Variants in POU6F2 observed in about 807,000 individuals in gnomAD.
POU6F2 encodes the protein POU class 6 homeobox 2, also known as POU domain, class 6, transcription factor 2.
POU6F2 carries 31 observed loss-of-function variants against 71.3 expected under a neutral mutation model. The ratio of observed to expected loss-of-function variants is 0.43; its 90% confidence interval spans 0.33 to 0.59. POU6F2 has a LOEUF of 0.59. Ranked by LOEUF, POU6F2 falls within the 20% of genes least tolerant of loss-of-function variation. The pLI is 0.04. For missense variants in POU6F2, 783 were observed against 856.8 expected (o/e 0.91, Z 1.07); for synonymous variants, 347 against 355.7 (o/e 0.98, Z 0.27).
rs1228955015 is a variant in POU6F2, at chr7:39,468,040, A to T, written c.*3354A>T. 1 of 152,222 alleles carries T rather than the reference A, an allele frequency of 6.6e-6. No homozygotes were observed. The highest frequency in any genetic ancestry group is 1.5e-5 in the Non-Finnish European group (1 of 68,042). The allele number at this position is 152,222 out of a possible 1,614,324, so 9.4% of individuals were successfully genotyped here. ...CAGTTAATGACCAAGCTTAAAAAAA[A>T]ATTGAGATAAAGGAAATTGATTTTC... On this transcript the variant is annotated 3_prime_UTR_variant, in exon 10 of 10. Transcript: ENST00000518318.
intron 9 of POU6F2, among the ~76,000 whole-genome samples, chr7:39,463,526 T>C (rs1243869184): frequency 6.6e-6 from 1 of 152,080 alleles, no homozygotes. Context: ...TAGCAATGGG[T>C]AATGTTTTAC....
At chr7:39,232,538 T>G (rs1394641775) in intron 4 of POU6F2, among the ~76,000 whole-genome samples, 1 of 152,192 alleles carries the variant, frequency 6.6e-6, no homozygotes, top group Admixed American at 6.5e-5. Context: ...TTTTTAAGAA[T>G]GTGTGTAGCT....
intron 4 of POU6F2, among the ~76,000 whole-genome samples, chr7:39,291,399 CACATA>C (rs1438258536): frequency 6.6e-6 from 1 of 152,132 alleles, no homozygotes; most frequent in Non-Finnish European, 1.5e-5. Context: ...TTATTTATGA[CACATA>C]ATTTTAGATG....
intron 5 of POU6F2, among the ~76,000 whole-genome samples, chr7:39,399,024 C>T (rs1787239059): frequency 6.6e-6 from 1 of 152,180 alleles, no homozygotes; most frequent in Non-Finnish European, 1.5e-5. Context: ...AATCGTTTCA[C>T]TGTGCTGCTT....
At chr7:39,353,831 TTAATTA>T (rs1786197640) in intron 5 of POU6F2, among the ~76,000 whole-genome samples, 1 of 152,230 alleles carries the variant, frequency 6.6e-6, no homozygotes. Context: ...GAAATTTATC[TTAATTA>T]GATCTGAAAG....
chr7:39,060,700 C>T lies in POU6F2; in HGVS notation c.106-25160C>T, dbSNP rs116837345. Among the ~76,000 whole-genome samples, 664 of 152,202 alleles carry T rather than the reference C, an allele frequency of 4.4e-3. 6 individuals carry two copies. Among genetic ancestry groups the T allele is most frequent in the African/African-American group, 0.015 (637 of 41,526 alleles). On this transcript the variant is annotated intron_variant, in intron 1 of 9. Coordinates refer to ENST00000518318, the MANE Select transcript of POU6F2 (RefSeq NM_001370959.1). ...AAGTTGTCCCTTTCTGTTGCTGGTT[C>T]AGAAACTCAAAAAACTCTGCACAAA...
rs182383192 is a variant in POU6F2 at position 39,278,593 on chromosome 7, C to T, written c.599-61049C>T. Among the ~76,000 whole-genome samples the T allele has an allele frequency of 1.4e-4, 22 of 152,226 alleles. No individual in the cohort carries two copies. The East Asian group carries it at 4.3e-3, about 29-fold the overall frequency. On this transcript the variant is annotated intron_variant, in intron 4 of 9. Coordinates refer to ENST00000518318, the MANE Select transcript of POU6F2 (RefSeq NM_001370959.1). Reference sequence around the variant, plus strand: ...TGTAAGTAGAATGCAGGCAGGTGGCCCAATCTAGACACCCACCCGTGCTTG... The same window carrying T: ...TGTAAGTAGAATGCAGGCAGGTGGCTCAATCTAGACACCCACCCGTGCTTG...
chr7:39,326,832 G>GA (rs1785512273), intron 4 of POU6F2, among the ~76,000 whole-genome samples: 1 of 152,162 alleles, frequency 6.6e-6, no homozygotes, highest in Admixed American at 6.5e-5. Context: ...AGAGCCTGGG[G>GA]AGAGTTCAGC....
chr7:39,203,187 A>ATAAT (rs1793942106), intron 2 of POU6F2, among the ~76,000 whole-genome samples: 1 of 152,230 alleles, frequency 6.6e-6, no homozygotes, highest in African/African-American at 2.4e-5. Context: ...AAATGAGCCA[A>ATAAT]TAATACCTTC....
At chr7:39,101,708 AAAG>A (rs1791577535) in intron 2 of POU6F2, among the ~76,000 whole-genome samples, 1 of 152,178 alleles carries the variant, frequency 6.6e-6, no homozygotes, top group South Asian at 2.1e-4. Context: ...AAAATTCTCA[AAAG>A]AGTATATTTT....
chr7:39,365,364 C>G (rs901368508), intron 5 of POU6F2, among the ~76,000 whole-genome samples: 1 of 152,180 alleles, frequency 6.6e-6, no homozygotes, highest in Non-Finnish European at 1.5e-5. Flanking sequence ...GGATCCTCAT[C>G]TCTCACCTTA....
chr7:39,403,495 A>T (rs183426278), intron 5 of POU6F2, among the ~76,000 whole-genome samples: 305 of 152,340 alleles, frequency 2.0e-3, no homozygotes, highest in African/African-American at 7.0e-3. Context: ...GGTTAGGTAC[A>T]TTGGCAGTGA....
intron 5 of POU6F2, among the ~76,000 whole-genome samples, chr7:39,392,462 C>G (rs879758675): frequency 6.6e-6 from 1 of 152,144 alleles, no homozygotes; most frequent in Non-Finnish European, 1.5e-5. Context: ...AGAAGCTGAG[C>G]GTTCTTGGAA....
intron 2 of POU6F2, among the ~76,000 whole-genome samples, chr7:39,164,544 C>T (rs965416636): frequency 7.3e-5 from 11 of 151,332 alleles, no homozygotes; most frequent in African/African-American, 2.4e-4. Flanking sequence ...TCTGGGTGTG[C>T]TAAGTCACAA....
intron 1 of POU6F2, among the ~76,000 whole-genome samples, chr7:39,016,283 CTATT>C: frequency 6.7e-6 from 1 of 148,356 alleles, no homozygotes; most frequent in East Asian, 2.0e-4. Context: ...ATAATAACAA[CTATT>C]TATTGAATTT....
chr7:39,394,289 A>G (rs1005811650), intron 5 of POU6F2, among the ~76,000 whole-genome samples: 7 of 152,158 alleles, frequency 4.6e-5, no homozygotes, highest in African/African-American at 1.4e-4. Context: ...TCAAAGTTCA[A>G]TTATTAATTT....
chr7:39,103,963 C>T (rs973484805), intron 2 of POU6F2, among the ~76,000 whole-genome samples: 4 of 152,180 alleles, frequency 2.6e-5, no homozygotes, highest in African/African-American at 9.7e-5. Flanking sequence ...TTAGGGCTTC[C>T]TTATGGGAAA....
intron 2 of POU6F2, among the ~76,000 whole-genome samples, chr7:39,129,028 T>C (rs1792199721): frequency 6.6e-6 from 1 of 152,166 alleles, no homozygotes; most frequent in East Asian, 1.9e-4. Context: ...ATGGTGAAAA[T>C]AAACATACCT....
chr7:39,121,139 A>T (rs891146591), intron 2 of POU6F2, among the ~76,000 whole-genome samples: 1 of 152,234 alleles, frequency 6.6e-6, no homozygotes, highest in African/African-American at 2.4e-5. Context: ...AGAAAGGTTT[A>T]AAAAGTCACA....
Sources: gnomAD v4.1 joint callset for allele counts (sites outside exome capture counted in the v4.1 genomes callset) on GRCh38, gnomAD v4.1.1 for gene constraint, MANE v1.5 for transcripts, NCBI Gene and HGNC (gene_info 2026-07-23, HGNC 2026-07-21) for gene names.